The following NUDCD1 variants were observed in gnomAD, a reference collection of about 807,000 sequenced individuals.
NUDCD1 encodes the protein nudC domain-containing protein 1.
In NUDCD1, 60 loss-of-function variants were observed where a neutral mutation model predicts 67.8. That is an observed-to-expected ratio of 0.88 (90% CI 0.72 to 1.10). The LOEUF (loss-of-function observed/expected upper bound fraction) is 1.10, where lower values mean the gene tolerates loss of function less well. NUDCD1 is among the 50% of genes least tolerant of loss of function. The pLI is 0.00. For missense variants in NUDCD1, 643 were observed against 695.0 expected (o/e 0.93, Z 0.84); for synonymous variants, 244 against 230.8 (o/e 1.06, Z -0.52).
intron 2 of NUDCD1, among the ~76,000 whole-genome samples, chr8:109,321,360 C>T (rs7830995): frequency 5.4e-4 from 82 of 152,230 alleles, no homozygotes; most frequent in African/African-American, 1.8e-3. Flanking sequence ...AAAGTTTTCA[C>T]ATTGTTTTTA....
intron 8 of NUDCD1, among the ~76,000 whole-genome samples, chr8:109,256,714 C>T (rs1397721219): frequency 6.6e-6 from 1 of 151,850 alleles, no homozygotes; most frequent in Non-Finnish European, 1.5e-5. Flanking sequence ...TGAAATATCG[C>T]ACCACAAGAA....
At chr8:109,270,035 G>A (rs1814101218) in intron 8 of NUDCD1, among the ~76,000 whole-genome samples, 1 of 117,968 alleles carries the variant, frequency 8.5e-6, no homozygotes, top group Admixed American at 1.1e-4. Context: ...GTCAAAGCTT[G>A]TAAAAAGAGT....
rs1450274008 is a variant in NUDCD1, at chr8:109,275,503, G to A, written c.1029-7C>T. 6.2e-7 allele frequency: 1 copy of A among 1,604,260 alleles called. No homozygotes were observed. The highest frequency in any genetic ancestry group is 8.5e-7 in the Non-Finnish European group (1 of 1,174,806). ...AATCAAGGAAATCTCCAAGCTAGAA[G>A]TTTAAATGGGAAAAGTAATGTTACA... On this transcript the variant is annotated splice_polypyrimidine_tract_variant and splice_region_variant and intron_variant, in intron 6 of 9. Transcript: ENST00000239690.
chr8:109,333,633 CCCTCAGA>C (rs16918270), intron 1 of NUDCD1, among the ~76,000 whole-genome samples: 3 of 152,190 alleles, frequency 2.0e-5, no homozygotes, highest in Non-Finnish European at 2.9e-5. Flanking sequence ...CGCACGCCAG[CCCTCAGA>C]CCTCAGACCT....
intron 4 of NUDCD1, among the ~76,000 whole-genome samples, chr8:109,291,685 A>G (rs1362869156): frequency 6.6e-6 from 1 of 152,224 alleles, no homozygotes; most frequent in African/African-American, 2.4e-5. Flanking sequence ...AAAGGGAACA[A>G]TAAAGAGAAT....
intron 8 of NUDCD1, among the ~76,000 whole-genome samples, chr8:109,254,304 C>T (rs1160639173): frequency 2.0e-5 from 3 of 152,006 alleles, no homozygotes; most frequent in Admixed American, 6.6e-5. Context: ...GATATGTAAC[C>T]ATCAACAAAA....
In NUDCD1 at chr8:109,284,128, G is replaced by A. The variant is rs1297888112; in HGVS notation, c.824-2956C>T. On this transcript the variant is annotated intron_variant, in intron 5 of 9. Coordinates refer to ENST00000239690, the MANE Select transcript of NUDCD1 (RefSeq NM_032869.4). The stretch of plus-strand genomic sequence containing the variant: ...GCTATGCAAATGGAAAACAGAAAGC[G>A]CAGGAGTCACAATTCTTACCTCAGA... Among the ~76,000 whole-genome samples, 14 of 152,074 alleles carry A rather than the reference G, an allele frequency of 9.2e-5. No individual in the cohort carries two copies. In the East Asian group the frequency reaches 1.7e-3, roughly 19 times the overall value.
intron 4 of NUDCD1, among the ~76,000 whole-genome samples, chr8:109,291,876 T>C (rs902101116): frequency 6.6e-6 from 1 of 152,020 alleles, no homozygotes; most frequent in Non-Finnish European, 1.5e-5. Flanking sequence ...CAGAACCAAG[T>C]GTCTTGGAGA....
At chr8:109,266,879 A>G (rs1814015547) in intron 8 of NUDCD1, among the ~76,000 whole-genome samples, 1 of 152,146 alleles carries the variant, frequency 6.6e-6, no homozygotes, top group Non-Finnish European at 1.5e-5. Context: ...TTCTAACCCT[A>G]ATGTCCATGT....
At chr8:109,313,707 C>A in intron 2 of NUDCD1, 1 of 446,162 alleles carries the variant, frequency 2.2e-6, no homozygotes, top group South Asian at 1.6e-5. Context: ...TAAACCATTA[C>A]TGGGAAGAAC....
chr8:109,244,901 G>A (rs1439750801), intron 9 of NUDCD1, among the ~76,000 whole-genome samples: 1 of 152,040 alleles, frequency 6.6e-6, no homozygotes, highest in Non-Finnish European at 1.5e-5. Context: ...TTTGACAAAA[G>A]ATGTCTCCTA....
rs568147885 is a variant in NUDCD1 at position 109,304,977 on chromosome 8, G to A, written c.274-8408C>T. On this transcript the variant is annotated intron_variant, in intron 2 of 9. Coordinates refer to ENST00000239690, the MANE Select transcript of NUDCD1 (RefSeq NM_032869.4). ...CCTCACAGGCCCATTCTATTCTGTC[G>A]TCATTTCATAACCTCTTCCATGTAG... Among the ~76,000 whole-genome samples, 11 of 152,156 alleles carry A rather than the reference G, an allele frequency of 7.2e-5. No individual in the cohort carries two copies. In the East Asian group the frequency reaches 1.2e-3, roughly 16 times the overall value.
At chr8:109,300,063 C>A (rs1001764521) in intron 2 of NUDCD1, among the ~76,000 whole-genome samples, 4 of 152,170 alleles carry the variant, frequency 2.6e-5, no homozygotes, top group African/African-American at 9.7e-5. Flanking sequence ...GAGACTACTA[C>A]GTCAAGGGAA....
At chr8:109,329,354 C>A (rs1306274028) in intron 1 of NUDCD1, among the ~76,000 whole-genome samples, 1 of 151,914 alleles carries the variant, frequency 6.6e-6, no homozygotes, top group South Asian at 2.1e-4. Context: ...ACTATATGTC[C>A]GCAGTTTATA....
chr8:109,259,449 AC>A (rs1813816282), intron 8 of NUDCD1, among the ~76,000 whole-genome samples: 1 of 152,238 alleles, frequency 6.6e-6, no homozygotes, highest in African/African-American at 2.4e-5. Context: ...TCTCAGACCC[AC>A]TGTCATTATG....
Position 109,322,491 on chromosome 8 carries a change from C to T in NUDCD1, c.119-28G>A, listed in dbSNP as rs896731662. 3.8e-6 allele frequency: 6 copies of T among 1,563,870 alleles called. No homozygotes were observed. The Admixed American group carries it at 8.7e-5, about 23-fold the overall frequency. On this transcript the variant is annotated intron_variant, in intron 1 of 9. Coordinates refer to ENST00000239690, the MANE Select transcript of NUDCD1 (RefSeq NM_032869.4). ...GAAATACAAGAAAAGCAAACATAAACATCAAGAGTTTTGCCTCAGATAGTT... is the reference window on the plus strand; with the variant it reads ...GAAATACAAGAAAAGCAAACATAAATATCAAGAGTTTTGCCTCAGATAGTT...
chr8:109,264,353 A>G (rs1472802411), intron 8 of NUDCD1, among the ~76,000 whole-genome samples: 2 of 152,216 alleles, frequency 1.3e-5, no homozygotes, highest in Non-Finnish European at 2.9e-5. Context: ...TGAAGAACTC[A>G]TATTTATCAC....
chr8:109,305,776 T>A (rs139793335), intron 2 of NUDCD1, among the ~76,000 whole-genome samples: 48 of 152,184 alleles, frequency 3.2e-4, no homozygotes, highest in African/African-American at 1.1e-3. Context: ...CTTAGTCATC[T>A]ATAGTACCCC....
intron 8 of NUDCD1, among the ~76,000 whole-genome samples, chr8:109,250,245 CA>C (rs754450773): frequency 6.6e-6 from 1 of 152,084 alleles, no homozygotes; most frequent in Admixed American, 6.6e-5. Context: ...TTTTTTACTT[CA>C]AAACTAAGTA....
Sources: allele counts gnomAD v4.1 joint callset (sites outside exome capture counted in the v4.1 genomes callset), GRCh38; gene constraint gnomAD v4.1.1; transcripts MANE v1.5; gene names NCBI Gene and HGNC (gene_info 2026-07-23, HGNC 2026-07-21).